Variants in PVT1 observed in about 807,000 individuals in gnomAD.
The protein encoded by PVT1 is Pvt1 oncogene, also known as CXCR4/PVT1 fusion.
intron 2 of PVT1, among the ~76,000 whole-genome samples, chr8:127,844,993 G>A (rs565758870): frequency 1.3e-4 from 20 of 152,250 alleles, no homozygotes; most frequent in Admixed American, 1.2e-3. Context: ...GATTACAGGC[G>A]TGAGCTACCA....
chr8:128,006,103 A>T (rs1461615212), intron 4 of PVT1, among the ~76,000 whole-genome samples: 1 of 119,362 alleles, frequency 8.4e-6, no homozygotes, highest in Non-Finnish European at 1.7e-5. Flanking sequence ...ACCTTGTCTC[A>T]AATAATAATA....
chr8:127,990,202 C>G (rs541311474), intron 4 of PVT1, among the ~76,000 whole-genome samples: 22 of 152,136 alleles, frequency 1.4e-4, no homozygotes, highest in Non-Finnish European at 3.2e-4. Flanking sequence ...GTTGATTCCC[C>G]CCTCCCCTGG....
At chr8:127,814,594 C>T (rs1814638115) in intron 2 of PVT1, among the ~76,000 whole-genome samples, 1 of 152,248 alleles carries the variant, frequency 6.6e-6, no homozygotes, top group South Asian at 2.1e-4. Context: ...TGACCATCCT[C>T]ATTTTACAGA....
At chr8:127,929,625 G>A (rs952713698) in intron 3 of PVT1, among the ~76,000 whole-genome samples, 4 of 152,054 alleles carry the variant, frequency 2.6e-5, no homozygotes, top group Admixed American at 1.3e-4. Context: ...AAAATTAGCC[G>A]GGCATGGTGG....
At chr8:128,071,356 A>G (rs1299217908) in intron 5 of PVT1, among the ~76,000 whole-genome samples, 1 of 152,112 alleles carries the variant, frequency 6.6e-6, no homozygotes, top group Non-Finnish European at 1.5e-5. Flanking sequence ...CGTGGATGCC[A>G]TAGTAACCTT....
At chr8:128,037,690 C>T (rs1030985670) in intron 4 of PVT1, among the ~76,000 whole-genome samples, 10 of 152,170 alleles carry the variant, frequency 6.6e-5, no homozygotes, top group Non-Finnish European at 1.5e-4. Flanking sequence ...CCCAGGCCTC[C>T]GTGGGACACA....
intron 3 of PVT1, among the ~76,000 whole-genome samples, chr8:127,901,067 T>C (rs1481060650): frequency 1.3e-5 from 2 of 151,350 alleles, no homozygotes. Flanking sequence ...GGGCCTGGAG[T>C]GGGGGTGTGA....
intron 4 of PVT1, among the ~76,000 whole-genome samples, chr8:128,036,469 G>A (rs1470896917): frequency 6.6e-6 from 1 of 152,198 alleles, no homozygotes; most frequent in African/African-American, 2.4e-5. Context: ...GGTGTTCTGG[G>A]CTGAGGCTTC....
At chr8:128,073,253 G>A (rs1339676435) in intron 5 of PVT1, among the ~76,000 whole-genome samples, 1 of 152,182 alleles carries the variant, frequency 6.6e-6, no homozygotes, top group African/African-American at 2.4e-5. Flanking sequence ...TCAAGGTCTA[G>A]ATTTCCTTGG....
chr8:127,807,514 G>T (rs977857333), intron 2 of PVT1, among the ~76,000 whole-genome samples: 2 of 151,370 alleles, frequency 1.3e-5, no homozygotes, highest in African/African-American at 4.9e-5. Flanking sequence ...GTAGAGATGA[G>T]ATCTCACTAT....
intron 3 of PVT1, among the ~76,000 whole-genome samples, chr8:127,944,852 C>G (rs13278829): frequency 6.6e-6 from 1 of 152,098 alleles, no homozygotes. Flanking sequence ...TGTCTGGGCC[C>G]GGCAAATTGG....
chr8:127,936,034 CTTTTTT>C (rs937905808), intron 3 of PVT1, among the ~76,000 whole-genome samples: 2 of 101,268 alleles, frequency 2.0e-5, no homozygotes, highest in Non-Finnish European at 3.8e-5. Context: ...CTCTCTCTCT[CTTTTTT>C]TTTTTTTTTT....
At chr8:127,844,237 G>A (rs4463382) in intron 2 of PVT1, among the ~76,000 whole-genome samples, 97,922 of 151,414 alleles carry the variant, frequency 0.65, 33,004 homozygotes, top group African/African-American at 0.84. Flanking sequence ...TATTAAAAGG[G>A]TCTCTTTGCA....
At chr8:127,922,459 G>A (rs1286103662) in intron 3 of PVT1, among the ~76,000 whole-genome samples, 2 of 152,140 alleles carry the variant, frequency 1.3e-5, no homozygotes, top group African/African-American at 4.8e-5. Context: ...CTTTTCTGGG[G>A]TAATGAGGTT....
At chr8:127,932,000 C>T (rs76487598) in intron 3 of PVT1, among the ~76,000 whole-genome samples, 1 of 152,338 alleles carries the variant, frequency 6.6e-6, no homozygotes, top group East Asian at 1.9e-4. Context: ...CCTCTTTGCC[C>T]CATTTCCTCC....
intron 3 of PVT1, among the ~76,000 whole-genome samples, chr8:127,913,158 C>T (rs186734820): frequency 6.6e-6 from 1 of 152,208 alleles, no homozygotes; most frequent in Admixed American, 6.5e-5. Flanking sequence ...CCTCTTCCCT[C>T]CCTTCTTGCT....
intron 3 of PVT1, among the ~76,000 whole-genome samples, chr8:127,906,540 G>A (rs549694375): frequency 4.6e-5 from 7 of 152,280 alleles, no homozygotes; most frequent in Admixed American, 2.0e-4. Flanking sequence ...TCTTTGGTGT[G>A]ACGAATGGGT....
intron 4 of PVT1, among the ~76,000 whole-genome samples, chr8:128,018,536 A>G (rs1004531197): frequency 2.6e-5 from 4 of 152,244 alleles, no homozygotes; most frequent in African/African-American, 7.2e-5. Flanking sequence ...TGCTGGAGAA[A>G]TGCCAGGGAG....
chr8:127,964,209 T>C (rs1816679161), intron 3 of PVT1, among the ~76,000 whole-genome samples: 1 of 152,252 alleles, frequency 6.6e-6, no homozygotes. Context: ...GTTTTGACAG[T>C]TGTCATTCCC....
Sources: allele counts gnomAD v4.1 joint callset (sites outside exome capture counted in the v4.1 genomes callset), GRCh38; gene constraint gnomAD v4.1.1; transcripts MANE v1.5; gene names NCBI Gene and HGNC (gene_info 2026-07-23, HGNC 2026-07-21).